CDH13: variants seen among roughly 807,000 people sequenced by gnomAD.
CDH13 encodes the protein cadherin-13.
In CDH13, 24 loss-of-function variants were observed where a neutral mutation model predicts 63.8. The ratio of observed to expected loss-of-function variants is 0.38; its 90% confidence interval spans 0.27 to 0.53. The LOEUF (loss-of-function observed/expected upper bound fraction) is 0.53, where lower values mean the gene tolerates loss of function less well. Among genes scored for constraint, CDH13 ranks in the 20% least tolerant of loss-of-function variants. The probability of loss-of-function intolerance (pLI) is 0.85; values close to 1 mark genes in which losing one functional copy is unlikely to be tolerated. For missense variants in CDH13, 1,049 were observed against 903.1 expected (o/e 1.16, Z -2.07); for synonymous variants, 503 against 355.3 (o/e 1.42, Z -4.67).
intron 5 of CDH13, among the ~76,000 whole-genome samples, chr16:83,255,369 G>C (rs1906130717): frequency 6.6e-6 from 1 of 152,140 alleles, no homozygotes; most frequent in Non-Finnish European, 1.5e-5. Context: ...GCTTGCATTA[G>C]AAAATTAGGA....
At chr16:83,245,976 A>T (rs932654225) in intron 5 of CDH13, among the ~76,000 whole-genome samples, 1 of 152,198 alleles carries the variant, frequency 6.6e-6, no homozygotes, top group Non-Finnish European at 1.5e-5. Flanking sequence ...AACTCAAGCT[A>T]TCCACCTGCC....
intron 5 of CDH13, among the ~76,000 whole-genome samples, chr16:83,231,256 G>A (rs2151802964): frequency 6.6e-6 from 1 of 152,288 alleles, no homozygotes; most frequent in East Asian, 1.9e-4. Flanking sequence ...TGGCATGCCG[G>A]TACCCTGGGG....
chr16:83,015,948 C>G (rs1469505323), intron 2 of CDH13, among the ~76,000 whole-genome samples: 1 of 151,792 alleles, frequency 6.6e-6, no homozygotes, highest in African/African-American at 2.4e-5. Context: ...GAAAGCAGCA[C>G]AAAAGCCTTC....
chr16:83,488,927 T>C (rs1055894913), intron 7 of CDH13, among the ~76,000 whole-genome samples: 1 of 152,128 alleles, frequency 6.6e-6, no homozygotes, highest in Non-Finnish European at 1.5e-5. Context: ...GCCCGGCCAA[T>C]GCTCCCTATT....
chr16:83,711,386 T>TG (rs1426696103), intron 10 of CDH13, among the ~76,000 whole-genome samples: 3 of 152,178 alleles, frequency 2.0e-5, no homozygotes, highest in Non-Finnish European at 4.4e-5. Flanking sequence ...CTTGGCATCT[T>TG]GGGGGGCTTT....
intron 5 of CDH13, among the ~76,000 whole-genome samples, chr16:83,343,412 A>G (rs972731910): frequency 1.2e-4 from 18 of 152,224 alleles, no homozygotes; most frequent in Non-Finnish European, 2.4e-4. Context: ...TGCCAGTGTA[A>G]TTTTATTTTG....
chr16:83,606,562 ACT>A (rs1312500332), intron 8 of CDH13, among the ~76,000 whole-genome samples: 1 of 151,226 alleles, frequency 6.6e-6, no homozygotes, highest in Non-Finnish European at 1.5e-5. Flanking sequence ...ACATGGTGAA[ACT>A]CTGTCGCTAC....
chr16:82,858,821 G>T (rs17673191), intron 2 of CDH13: 1 of 348,312 alleles, frequency 2.9e-6, no homozygotes, highest in South Asian at 8.7e-5. Flanking sequence ...TTGCCTTCTC[G>T]CAGATTGCTG....
intron 6 of CDH13, among the ~76,000 whole-genome samples, chr16:83,414,042 G>C (rs185090417): frequency 4.3e-4 from 66 of 152,210 alleles, no homozygotes; most frequent in Non-Finnish European, 7.8e-4. Context: ...GTAAACTTCT[G>C]AAAATTAGAC....
intron 2 of CDH13, among the ~76,000 whole-genome samples, chr16:82,871,806 A>G (rs1476969962): frequency 2.6e-5 from 4 of 152,154 alleles, no homozygotes; most frequent in Admixed American, 6.5e-5. Flanking sequence ...TTTGCTTTCT[A>G]TAATATTGAT....
chr16:82,785,690 C>G (rs1288889758), intron 1 of CDH13, among the ~76,000 whole-genome samples: 1 of 152,208 alleles, frequency 6.6e-6, no homozygotes, highest in Admixed American at 6.5e-5. Flanking sequence ...AATTTCTTTC[C>G]TTTCTTTTAG....
At chr16:82,805,657 T>A (rs574563194) in intron 1 of CDH13, among the ~76,000 whole-genome samples, 1 of 152,272 alleles carries the variant, frequency 6.6e-6, no homozygotes, top group Non-Finnish European at 1.5e-5. Flanking sequence ...AAAAATCTAC[T>A]TTGGAGACTA....
At chr16:83,555,943 G>A (rs549416456) in intron 7 of CDH13, among the ~76,000 whole-genome samples, 2 of 152,326 alleles carry the variant, frequency 1.3e-5, no homozygotes, top group Non-Finnish European at 2.9e-5. Context: ...GGAATAATGG[G>A]CTCATTAGAG....
chr16:83,504,311 C>T (rs999314997), intron 7 of CDH13, among the ~76,000 whole-genome samples: 17 of 152,164 alleles, frequency 1.1e-4, no homozygotes, highest in African/African-American at 3.6e-4. Flanking sequence ...TCTGGAAAGA[C>T]AGAGGTTCCA....
intron 2 of CDH13, among the ~76,000 whole-genome samples, chr16:82,886,671 T>C (rs1243734194): frequency 2.0e-5 from 3 of 152,144 alleles, no homozygotes; most frequent in African/African-American, 4.8e-5. Context: ...TTTATGAAAA[T>C]TGGACACCGG....
At chr16:83,235,740 AAC>A (rs1307996786) in intron 5 of CDH13, among the ~76,000 whole-genome samples, 5 of 152,238 alleles carry the variant, frequency 3.3e-5, no homozygotes, top group Non-Finnish European at 7.4e-5. Flanking sequence ...ATTATTCAGA[AAC>A]ACAATTTTCA....
At chr16:82,856,571 G>A (rs1344324066) in intron 1 of CDH13, among the ~76,000 whole-genome samples, 1 of 150,040 alleles carries the variant, frequency 6.7e-6, no homozygotes, top group Non-Finnish European at 1.5e-5. Context: ...GCTTGGTGAC[G>A]AGTGCCTGTA....
At chr16:82,685,041 G>C (rs1369989104) in intron 1 of CDH13, among the ~76,000 whole-genome samples, 1 of 151,540 alleles carries the variant, frequency 6.6e-6, no homozygotes, top group Non-Finnish European at 1.5e-5. Flanking sequence ...CAACATGTGT[G>C]TCTGGCCGGT....
intron 1 of CDH13, among the ~76,000 whole-genome samples, chr16:82,713,470 C>T (rs924444482): frequency 6.6e-6 from 1 of 152,316 alleles, no homozygotes; most frequent in Non-Finnish European, 1.5e-5. Flanking sequence ...CTGCCCCCAG[C>T]ACTGTTGGGT....
Sources: gnomAD v4.1 joint callset for allele counts (sites outside exome capture counted in the v4.1 genomes callset) on GRCh38, gnomAD v4.1.1 for gene constraint, MANE v1.5 for transcripts, NCBI Gene and HGNC (gene_info 2026-07-23, HGNC 2026-07-21) for gene names.